Variants in MAML1 observed in about 807,000 individuals in gnomAD.
MAML1 encodes the protein mastermind like transcriptional coactivator 1, also known as mastermind-like protein 1.
MAML1 carries 14 observed loss-of-function variants against 77.1 expected under a neutral mutation model. The observed-to-expected ratio is 0.18, with a 90% CI of 0.12 to 0.28. MAML1 has a LOEUF of 0.28. Among genes scored for constraint, MAML1 ranks in the 10% least tolerant of loss-of-function variants. MAML1 has a pLI of 1.00. For missense variants in MAML1, 1,217 were observed against 1,327.8 expected (o/e 0.92, Z 1.30); for synonymous variants, 516 against 551.9 (o/e 0.93, Z 0.91).
intron 2 of MAML1, 22 bp from the exon 3 acceptor site, chr5:179,768,828 A>G (rs762861500): frequency 1.1e-5 from 18 of 1,612,956 alleles, no homozygotes; most frequent in East Asian, 2.2e-5. Flanking sequence ...GAGACTTCAC[A>G]GTCCCCTATC....
At chr5:179,753,651 ATTATTTTT>A in intron 1 of MAML1, among the ~76,000 whole-genome samples, 1 of 66,372 alleles carries the variant, frequency 1.5e-5, no homozygotes, top group Non-Finnish European at 2.7e-5. Context: ...TATTATTATT[ATTATTTTT>A]TTTTTTTTTT....
At chr5:179,736,280 GT>G (rs1218873423) in intron 1 of MAML1, among the ~76,000 whole-genome samples, 1 of 151,678 alleles carries the variant, frequency 6.6e-6, no homozygotes, top group African/African-American at 2.4e-5. Context: ...TTTTTAGGGA[GT>G]TTCGCTTTGT....
rs1160905869 is a variant in MAML1 at position 179,776,243 on chromosome 5, G to T, written c.*1366G>T. On this transcript the variant is annotated 3_prime_UTR_variant, in exon 5 of 5. Transcript: ENST00000292599. Reference sequence around the variant, plus strand: ...AAGTGGCTCAGATGCAGAGTGTTCTGTGGAGAAACTGCAGCCCCACTTCTG... The same window carrying T: ...AAGTGGCTCAGATGCAGAGTGTTCTTTGGAGAAACTGCAGCCCCACTTCTG... 1.0e-6 allele frequency: 1 copy of T among 985,836 alleles called. No homozygotes were observed. The highest frequency in any genetic ancestry group is 1.7e-5 in the African/African-American group (1 of 57,264). 61.1% of individuals were successfully genotyped at this position (985,836 alleles called of 1,614,324 possible).
rs1238576402 is a variant in MAML1 at position 179,773,074 on chromosome 5, A to G, written c.2069-821A>G. ...TAATTTTTGTATTTTTAGTAGAGAC[A>G]GGGTTTCACTATGTTGGCCAGGATG... is the stretch of plus-strand genomic sequence containing the variant. On this transcript the variant is annotated intron_variant, in intron 4 of 4. Transcript: ENST00000292599. 6.6e-5 allele frequency among the ~76,000 whole-genome samples: 10 copies of G among 152,268 alleles called. No homozygotes were observed. The South Asian group carries it at 1.9e-3, about 28-fold the overall frequency.
chr5:179,751,989 G>A (rs1779497030), intron 1 of MAML1, among the ~76,000 whole-genome samples: 1 of 150,944 alleles, frequency 6.6e-6, no homozygotes, highest in African/African-American at 2.4e-5. Context: ...GGGCAATAGA[G>A]TGAGACCTTG....
chr5:179,764,797 A>T (rs1779783363), intron 1 of MAML1, among the ~76,000 whole-genome samples: 1 of 152,054 alleles, frequency 6.6e-6, no homozygotes, highest in Admixed American at 6.6e-5. Context: ...CCCCGTCCCT[A>T]CCAAAAAATA....
At chr5:179,765,168 G>A (rs538829375) in intron 1 of MAML1, among the ~76,000 whole-genome samples, 158 bp from the exon 2 acceptor site, 3 of 152,086 alleles carry the variant, frequency 2.0e-5, no homozygotes, top group African/African-American at 4.8e-5. Context: ...GTATAGGACC[G>A]TCAGGGAAAA....
chr5:179,758,190 A>C (rs1050069556), intron 1 of MAML1, among the ~76,000 whole-genome samples: 1 of 152,204 alleles, frequency 6.6e-6, no homozygotes. Context: ...ACTGGAACTT[A>C]CCTTCTCTAT....
intron 1 of MAML1, among the ~76,000 whole-genome samples, chr5:179,760,309 T>C (rs1779703028): frequency 6.6e-6 from 1 of 151,886 alleles, no homozygotes; most frequent in African/African-American, 2.4e-5. Flanking sequence ...AAGAAAGTAC[T>C]ATGGTGTGGG....
chr5:179,755,016 G>T (rs1408938055), intron 1 of MAML1, among the ~76,000 whole-genome samples: 1 of 152,148 alleles, frequency 6.6e-6, no homozygotes, highest in African/African-American at 2.4e-5. Context: ...GACGCTAAAA[G>T]GTTTTGAGGT....
At chr5:179,751,253 G>A (rs965103158) in intron 1 of MAML1, among the ~76,000 whole-genome samples, 1 of 152,146 alleles carries the variant, frequency 6.6e-6, no homozygotes, top group Non-Finnish European at 1.5e-5. Flanking sequence ...GATTACAGGC[G>A]TGAGCCACCG....
chr5:179,734,677 G>C (rs1255595504), intron 1 of MAML1, among the ~76,000 whole-genome samples: 1 of 152,060 alleles, frequency 6.6e-6, no homozygotes, highest in Non-Finnish European at 1.5e-5. Flanking sequence ...TGTCGCCCAG[G>C]CTGGAGTGCA....
chr5:179,736,587 AT>A lies in MAML1; in HGVS notation c.315+3162del, dbSNP rs1418341457. 3.9e-5 allele frequency among the ~76,000 whole-genome samples: 6 copies of A among 152,180 alleles called. No homozygotes were observed. The East Asian group carries it at 1.2e-3, about 29-fold the overall frequency. ...GGACTTTTAAGAGTAGTTCGTGGTC[AT>A]TGCAATTGAAGTAAATAATGAAAGC... On this transcript the variant is annotated intron_variant, in intron 1 of 4. Transcript: ENST00000292599.
rs540945072 is a variant in MAML1, at chr5:179,776,490, AT to A, written c.*1616del. The A allele has an allele frequency of 1.0e-6, 1 of 985,736 alleles. No homozygotes were observed. The highest frequency in any genetic ancestry group is 4.7e-5 in the South Asian group (1 of 21,286). The allele number at this position is 985,736 out of a possible 1,614,324, so 61.1% of individuals were successfully genotyped here. A position where few individuals can be genotyped will look rare whatever the true frequency, so the allele number is the denominator to read the frequency against. On this transcript the variant is annotated 3_prime_UTR_variant, in exon 5 of 5. Transcript: ENST00000292599. ...TGCCACCCCAAGTGGTATGTCGGCC[AT>A]TTCTCCTTAAAACACCTTCCCTACC...
chr5:179,774,744 C>T lies in MAML1; in HGVS notation c.2918C>T (p.Ala973Val), dbSNP rs766211451. 3.0e-5 allele frequency: 48 copies of T among 1,612,576 alleles called. No individual in the cohort carries two copies. The East Asian group carries it at 1.1e-3, about 36-fold the overall frequency. The change falls in exon 5 of 5, where the codon GCC becomes GTC. Residue 973 changes from alanine (A) to valine (V), a missense_variant. Around this residue, in one of 3 missense-constraint regions of MAML1, gnomAD observed 884 missense variants for 949.3 expected, o/e 0.93. Coordinates refer to ENST00000292599, the MANE Select transcript of MAML1 (RefSeq NM_014757.5). Reference protein sequence around the residue: ...VRTAGQELPFAYSGQPGGSGL... With the variant: ...VRTAGQELPFVYSGQPGGSGL... ...ACCGCGGGCCAGGAGCTGCCTTTTG[C>T]CTATAGCGGGCAGCCAGGTGGCAGT...
chr5:179,745,520 AGCCTG>A (rs1779361470), intron 1 of MAML1, among the ~76,000 whole-genome samples: 1 of 150,406 alleles, frequency 6.6e-6, no homozygotes, highest in Admixed American at 6.6e-5. Context: ...GTTCAAGACC[AGCCTG>A]GCCAACATGG....
chr5:179,742,104 C>G (rs997915134), intron 1 of MAML1, among the ~76,000 whole-genome samples: 1 of 149,558 alleles, frequency 6.7e-6, no homozygotes, highest in African/African-American at 2.4e-5. Flanking sequence ...AACTCCTGAC[C>G]TCAGGTGATC....
chr5:179,744,014 T>C (rs1386867722), intron 1 of MAML1, among the ~76,000 whole-genome samples: 1 of 152,342 alleles, frequency 6.6e-6, no homozygotes, highest in East Asian at 1.9e-4. Flanking sequence ...TTTCATCAAC[T>C]GTTTAAAGAA....
chr5:179,737,301 A>G (rs1047223059), intron 1 of MAML1, among the ~76,000 whole-genome samples: 1 of 152,160 alleles, frequency 6.6e-6, no homozygotes, highest in African/African-American at 2.4e-5. Flanking sequence ...TTGGACTCCA[A>G]GTTAGTCTAG....
Sources: gnomAD v4.1 joint callset for allele counts (sites outside exome capture counted in the v4.1 genomes callset) on GRCh38, gnomAD v4.1.1 for gene constraint, gnomAD v4.1.1 regional missense constraint, MANE v1.5 for transcripts, NCBI Gene and HGNC (gene_info 2026-07-23, HGNC 2026-07-21) for gene names.